Variants in NRG1 observed in about 807,000 individuals in gnomAD.
NRG1 encodes the protein neuregulin 1, also known as pro-neuregulin-1, membrane-bound isoform.
Under a neutral mutation model 63.8 loss-of-function variants are expected in NRG1, and 18 were observed. The ratio of observed to expected loss-of-function variants is 0.28; its 90% CI spans 0.19 to 0.42. The LOEUF (loss-of-function observed/expected upper bound fraction) is 0.42, where lower values mean the gene tolerates loss of function less well. NRG1 is among the 10% of genes least tolerant of loss of function. The pLI is 1.00. For synonymous variants in NRG1, 302 were observed against 301.3 expected (o/e 1.00, Z -0.02); for missense variants, 762 against 814.7 (o/e 0.94, Z 0.79).
intron 1 of NRG1, among the ~76,000 whole-genome samples, chr8:32,324,273 C>T (rs868378662): frequency 1.3e-5 from 2 of 152,320 alleles, no homozygotes; most frequent in African/African-American, 4.8e-5. Context: ...TTGCAGAAAG[C>T]AGGCTTATGC....
At chr8:31,685,835 G>C (rs58447601) in intron 1 of NRG1, among the ~76,000 whole-genome samples, 1 of 151,896 alleles carries the variant, frequency 6.6e-6, no homozygotes, top group Non-Finnish European at 1.5e-5. Flanking sequence ...GTGTGTGTCA[G>C]TATTTTATTC....
chr8:31,854,998 C>A (rs1195219461), intron 1 of NRG1, among the ~76,000 whole-genome samples: 1 of 152,026 alleles, frequency 6.6e-6, no homozygotes, highest in African/African-American at 2.4e-5. Flanking sequence ...AATTTCTGTT[C>A]TTTTACATTT....
chr8:32,450,200 A>T (rs1820780530), intron 1 of NRG1, among the ~76,000 whole-genome samples: 1 of 152,164 alleles, frequency 6.6e-6, no homozygotes, highest in Non-Finnish European at 1.5e-5. Context: ...TACATATTTC[A>T]TCTCCTTTAA....
At chr8:32,246,622 G>A (rs58615670) in intron 1 of NRG1, among the ~76,000 whole-genome samples, 6,707 of 152,216 alleles carry the variant, frequency 0.044, 496 homozygotes, top group African/African-American at 0.15. Flanking sequence ...AATGACAAAA[G>A]CCTTAAAAAT....
At chr8:31,955,110 G>A (rs1303510503) in intron 1 of NRG1, among the ~76,000 whole-genome samples, 1 of 152,142 alleles carries the variant, frequency 6.6e-6, no homozygotes, top group African/African-American at 2.4e-5. Flanking sequence ...AAAAATAGTT[G>A]TGCTTTTTTC....
intron 5 of NRG1, chr8:32,647,465 A>C: frequency 2.0e-6 from 2 of 985,414 alleles, no homozygotes; most frequent in African/African-American, 3.5e-5. Context: ...TTGGAGTAGC[A>C]TTTAAAAGAA....
intron 1 of NRG1, among the ~76,000 whole-genome samples, chr8:31,660,095 C>T (rs1476219780): frequency 6.6e-6 from 1 of 152,126 alleles, no homozygotes; most frequent in Non-Finnish European, 1.5e-5. Flanking sequence ...TTCTTATATA[C>T]TACATGTAGA....
intron 1 of NRG1, among the ~76,000 whole-genome samples, chr8:32,469,290 G>A (rs879848416): frequency 1.3e-5 from 2 of 152,174 alleles, no homozygotes; most frequent in African/African-American, 2.4e-5. Flanking sequence ...GATTCACAAC[G>A]CAATGGAAAC....
At chr8:31,897,409 A>G (rs1241734297) in intron 1 of NRG1, among the ~76,000 whole-genome samples, 1 of 152,196 alleles carries the variant, frequency 6.6e-6, no homozygotes, top group Non-Finnish European at 1.5e-5. Context: ...CCTGAAAGAA[A>G]TCAAAGTATT....
chr8:31,818,240 A>T (rs567108059), intron 1 of NRG1, among the ~76,000 whole-genome samples: 1 of 152,318 alleles, frequency 6.6e-6, no homozygotes. Flanking sequence ...GGGTCAAATT[A>T]AATTGGAATG....
In NRG1 at chr8:31,695,828, G is replaced by A. The variant is rs557521525; in HGVS notation, c.37+56397G>A. 1.1e-3 allele frequency among the ~76,000 whole-genome samples: 159 copies of A among 149,616 alleles called. 2 individuals are homozygous for A. Among genetic ancestry groups the A allele is most frequent in the African/African-American group, 3.8e-3 (154 of 40,698 alleles). ...AACCATTAGCCAATAAATATAAGTG[G>A]CAATTATTTAAGAAGAATAACATAA... On this transcript the variant is annotated intron_variant, in intron 1 of 10. Transcript: ENST00000519301.
chr8:32,569,158 T>G (rs1231173248), intron 1 of NRG1, among the ~76,000 whole-genome samples: 1 of 152,194 alleles, frequency 6.6e-6, no homozygotes, highest in Non-Finnish European at 1.5e-5. Flanking sequence ...CAAGCAATTC[T>G]CCTGCCTCAG....
chr8:31,695,625 A>G (rs951342431), intron 1 of NRG1, among the ~76,000 whole-genome samples: 1 of 152,228 alleles, frequency 6.6e-6, no homozygotes. Flanking sequence ...AGATTTGGGT[A>G]GGGACACAGA....
intron 1 of NRG1, among the ~76,000 whole-genome samples, chr8:31,947,959 A>C (rs1483456007): frequency 1.3e-5 from 2 of 150,548 alleles, no homozygotes; most frequent in African/African-American, 4.9e-5. Context: ...AAAAAAAAAA[A>C]AAAAAAAAAA....
Position 32,698,985 on chromosome 8 carries a change from A to T in NRG1, c.503-28964A>T, listed in dbSNP as rs1310113164. On this transcript the variant is annotated intron_variant, in intron 5 of 11. Coordinates refer to ENST00000356819, the Ensembl canonical transcript of NRG1. ...ATTCCACCTCATTCATTTACAAATAAGGTGTAAACCTTCCTGGAAAAAAAT... is the reference window on the plus strand; with the variant it reads ...ATTCCACCTCATTCATTTACAAATATGGTGTAAACCTTCCTGGAAAAAAAT... 2.0e-5 allele frequency among the ~76,000 whole-genome samples: 3 copies of T among 152,348 alleles called. No homozygotes were observed. The East Asian group carries it at 5.8e-4, about 29-fold the overall frequency.
At chr8:32,016,540 TA>T (rs1815573511) in intron 1 of NRG1, among the ~76,000 whole-genome samples, 1 of 152,220 alleles carries the variant, frequency 6.6e-6, no homozygotes, top group South Asian at 2.1e-4. Flanking sequence ...TTGCCTGAAT[TA>T]TTTTTTATAT....
Position 32,435,774 on chromosome 8 carries a change from A to C in NRG1, c.38-160054A>C, listed in dbSNP as rs530908135. The stretch of plus-strand genomic sequence containing the variant: ...GAACTAGAAGTCAATAAAATTCATA[A>C]ATATTTATTTTTCAATAATTCTGGA... On this transcript the variant is annotated intron_variant, in intron 1 of 10. Transcript: ENST00000519301. 7.9e-4 allele frequency among the ~76,000 whole-genome samples: 121 copies of C among 152,262 alleles called. 1 individual carries two copies. The South Asian group carries it at 0.024, about 30-fold the overall frequency.
At chr8:32,090,629 A>G (rs77977881) in intron 1 of NRG1, among the ~76,000 whole-genome samples, 4,710 of 152,252 alleles carry the variant, frequency 0.031, 101 homozygotes, top group South Asian at 0.068. Context: ...CCAGGACAAG[A>G]ATATTTTTGA....
intron 1 of NRG1, among the ~76,000 whole-genome samples, chr8:32,579,226 TTGCC>T (rs1840220840): frequency 7.1e-6 from 1 of 140,636 alleles, no homozygotes; most frequent in Non-Finnish European, 1.5e-5. Context: ...TTGGATACTA[TTGCC>T]ACTGGGATGC....
Sources: gnomAD v4.1 joint callset for allele counts (sites outside exome capture counted in the v4.1 genomes callset) on GRCh38, gnomAD v4.1.1 for gene constraint, MANE v1.5 for transcripts, NCBI Gene and HGNC (gene_info 2026-07-23, HGNC 2026-07-21) for gene names.